CNTN1: variants seen among roughly 807,000 people sequenced by gnomAD.
CNTN1 encodes contactin 1.
Under a neutral mutation model 126.4 loss-of-function variants are expected in CNTN1, and 38 were observed. The observed-to-expected ratio is 0.30, with a 90% CI of 0.23 to 0.39. The LOEUF (loss-of-function observed/expected upper bound fraction) is 0.39, where lower values mean the gene tolerates loss of function less well. CNTN1 is among the 10% of genes least tolerant of loss of function. CNTN1 has a pLI of 1.00. For synonymous variants in CNTN1, 413 were observed against 422.6 expected, an observed-to-expected ratio of 0.98 and a Z score of 0.28; for missense variants, 1,009 against 1,248.4, an observed-to-expected ratio of 0.81 and a Z score of 2.89.
At chr12:40,962,717 A>G (rs1947149249) in intron 15 of CNTN1, among the ~76,000 whole-genome samples, 1 of 152,172 alleles carries the variant, frequency 6.6e-6, no homozygotes, top group African/African-American at 2.4e-5. Flanking sequence ...TTTATTTACC[A>G]TATAACTGGG....
intron 23 of CNTN1, among the ~76,000 whole-genome samples, chr12:41,041,743 T>C (rs534951761): frequency 0.013 from 2,013 of 152,306 alleles, 52 homozygotes; most frequent in African/African-American, 0.046. Flanking sequence ...TTTGTATTTC[T>C]GTGGGATCAG....
intron 23 of CNTN1, among the ~76,000 whole-genome samples, chr12:41,055,036 C>T (rs1259862112): frequency 6.6e-6 from 1 of 152,098 alleles, no homozygotes; most frequent in African/African-American, 2.4e-5. Flanking sequence ...ACTTCTCTGA[C>T]ATTTGCACAA....
chr12:40,872,206 CTTTG>C (rs773944792), intron 1 of CNTN1, among the ~76,000 whole-genome samples: 3,339 of 86,926 alleles, frequency 0.038, 60 homozygotes, highest in Admixed American at 0.058. Context: ...TTTTCCGTTG[CTTTG>C]TTTGTGTGTG....
At chr12:40,847,334 C>T (rs1592153344) in intron 1 of CNTN1, among the ~76,000 whole-genome samples, 1 of 152,100 alleles carries the variant, frequency 6.6e-6, no homozygotes, top group African/African-American at 2.4e-5. Context: ...AATGGCTGGT[C>T]TCATGGCTTA....
At chr12:41,025,090 C>A in intron 20 of CNTN1, 60 bp from the exon 21 acceptor site, 2 of 1,562,952 alleles carry the variant, frequency 1.3e-6, no homozygotes, top group Non-Finnish European at 1.8e-6. Flanking sequence ...TTGAAGAGAA[C>A]TTTTCATAGC....
intron 1 of CNTN1, among the ~76,000 whole-genome samples, chr12:40,719,191 T>C (rs1377944812): frequency 6.6e-6 from 1 of 152,224 alleles, no homozygotes; most frequent in Non-Finnish European, 1.5e-5. Context: ...TGCTGAGTCA[T>C]CAAAGGAAAT....
At chr12:41,048,717 A>C (rs956200883) in intron 23 of CNTN1, among the ~76,000 whole-genome samples, 1 of 152,148 alleles carries the variant, frequency 6.6e-6, no homozygotes, top group Non-Finnish European at 1.5e-5. Context: ...AGAAAGAAGA[A>C]GGAAAAAAAT....
At chr12:41,008,830 C>A (rs1482448875) in intron 17 of CNTN1, among the ~76,000 whole-genome samples, 1 of 152,174 alleles carries the variant, frequency 6.6e-6, no homozygotes, top group African/African-American at 2.4e-5. Context: ...TATATAAAAT[C>A]TCTTTCCTTT....
In CNTN1 at chr12:40,835,799, T is replaced by TACACAC. The variant is rs10556497; in HGVS notation, c.-76-72522_-76-72517dup. On this transcript the variant is annotated intron_variant, in intron 1 of 23. Transcript: ENST00000551295. ...CTTCCGAAATTCTAAATGCTATTTA[T>TACACAC]ACACACACACACACACACACACACA... Among the ~76,000 whole-genome samples, 1,096 of 142,502 alleles carry TACACAC rather than the reference T, an allele frequency of 7.7e-3. 5 individuals are homozygous for TACACAC. The highest frequency in any genetic ancestry group is 0.019 in the Middle Eastern group (5 of 270). 93.5% of individuals were successfully genotyped at this position (142,502 alleles called of 152,430 possible). A position where few individuals can be genotyped will look rare whatever the true frequency, so the allele number is the denominator to read the frequency against.
Position 40,759,434 on chromosome 12 carries a change from C to T in CNTN1, c.-77+66842C>T, listed in dbSNP as rs916937868. 2.0e-5 allele frequency among the ~76,000 whole-genome samples: 3 copies of T among 150,670 alleles called. No individual in the cohort carries two copies. In the East Asian group the frequency reaches 5.9e-4, roughly 30 times the overall value. On this transcript the variant is annotated intron_variant, in intron 1 of 23. Transcript: ENST00000551295. ...TTTTCTCTTTCTTTCTCCCTCCCCTCCCCTCCCCTTCTTCCCTTCCCTTCC... is the reference window on the plus strand; with the variant it reads ...TTTTCTCTTTCTTTCTCCCTCCCCTTCCCTCCCCTTCTTCCCTTCCCTTCC...
chr12:41,010,613 G>A (rs983031810), intron 17 of CNTN1, among the ~76,000 whole-genome samples: 1 of 152,118 alleles, frequency 6.6e-6, no homozygotes, highest in African/African-American at 2.4e-5. Flanking sequence ...ATTGGGAGGT[G>A]CCTTTTTAAT....
chr12:41,070,104 T>C lies in CNTN1; in HGVS notation c.*69T>C. Reference sequence around the variant, plus strand: ...CCCTTCAACCCTGGGATGACCACAATTCCTTCCAATTTCTGCGGCTCCATC... The same window carrying C: ...CCCTTCAACCCTGGGATGACCACAACTCCTTCCAATTTCTGCGGCTCCATC... On this transcript the variant is annotated 3_prime_UTR_variant, in exon 24 of 24. Coordinates refer to ENST00000551295, the MANE Select transcript of CNTN1 (RefSeq NM_001843.4). 1.5e-6 allele frequency: 2 copies of C among 1,352,440 alleles called. No individual in the cohort carries two copies. The highest frequency in any genetic ancestry group is 1.7e-5 in the Admixed American group (1 of 59,482). 83.8% of individuals were successfully genotyped at this position (1,352,440 alleles called of 1,614,324 possible). A position where few individuals can be genotyped will look rare whatever the true frequency, so the allele number is the denominator to read the frequency against.
chr12:40,910,431 T>C (rs1168977699), intron 3 of CNTN1, among the ~76,000 whole-genome samples: 1 of 152,200 alleles, frequency 6.6e-6, no homozygotes, highest in Non-Finnish European at 1.5e-5. Context: ...TTGAACTTAT[T>C]TTTGAAAGCC....
At chr12:40,971,922 G>A (rs1243003124) in intron 15 of CNTN1, 2 of 1,035,956 alleles carry the variant, frequency 1.9e-6, no homozygotes, top group Non-Finnish European at 2.3e-6. Context: ...AATGAACAAT[G>A]TTGTCAAACT....
At chr12:40,709,958 A>G (rs1941869860) in intron 1 of CNTN1, among the ~76,000 whole-genome samples, 1 of 152,186 alleles carries the variant, frequency 6.6e-6, no homozygotes, top group Admixed American at 6.5e-5. Flanking sequence ...CATTTTTTCA[A>G]GAATTTTTCC....
chr12:40,937,791 G>A, intron 11 of CNTN1, 104 bp downstream of exon 11: 5 of 779,014 alleles, frequency 6.4e-6, no homozygotes, highest in Non-Finnish European at 1.2e-5. Flanking sequence ...TGTGTTAGGT[G>A]TACAACATAT....
chr12:40,748,462 A>C (rs1037537713), intron 1 of CNTN1, among the ~76,000 whole-genome samples: 1 of 152,090 alleles, frequency 6.6e-6, no homozygotes, highest in Non-Finnish European at 1.5e-5. Flanking sequence ...ACAGTCTCAA[A>C]ATCTGCTGAA....
chr12:40,937,525 C>T, intron 10 of CNTN1, 45 bp from the exon 11 acceptor site: 1 of 1,239,234 alleles, frequency 8.1e-7, no homozygotes, highest in Non-Finnish European at 1.2e-6. Context: ...GAAAGTATTT[C>T]TATTAAAGTT....
intron 1 of CNTN1, among the ~76,000 whole-genome samples, chr12:40,791,590 T>TATTTAGAGTA (rs1476396683): frequency 6.6e-6 from 1 of 152,184 alleles, no homozygotes; most frequent in Non-Finnish European, 1.5e-5. Context: ...GTCATACACC[T>TATTTAGAGTA]ATATTTTATT....
Sources: gnomAD v4.1 joint callset for allele counts (sites outside exome capture counted in the v4.1 genomes callset) on GRCh38, gnomAD v4.1.1 for gene constraint, MANE v1.5 for transcripts, NCBI Gene and HGNC (gene_info 2026-07-23, HGNC 2026-07-21) for gene names.